The following R3HCC1L variants were observed in gnomAD, a reference collection of about 807,000 sequenced individuals.
R3HCC1L encodes coiled-coil domain-containing protein R3HCC1L.
In R3HCC1L, 51 loss-of-function variants were observed where a neutral mutation model predicts 59.9. The observed-to-expected ratio is 0.85, with a 90% CI of 0.68 to 1.07. The LOEUF (loss-of-function observed/expected upper bound fraction) is 1.07, where lower values mean the gene tolerates loss of function less well. R3HCC1L is among the 50% of genes least tolerant of loss of function. The pLI is 0.00. For missense variants in R3HCC1L, 965 were observed against 933.0 expected (o/e 1.03, Z -0.45); for synonymous variants, 322 against 315.2 (o/e 1.02, Z -0.23).
intron 6 of R3HCC1L, among the ~76,000 whole-genome samples, chr10:98,232,516 A>T (rs1856511826): frequency 6.6e-6 from 1 of 152,242 alleles, no homozygotes; most frequent in Non-Finnish European, 1.5e-5. Context: ...ATAAGAAAAA[A>T]ATAAGCTTCA....
chr10:98,170,380 A>G (rs541077624), intron 4 of R3HCC1L, among the ~76,000 whole-genome samples: 13 of 152,212 alleles, frequency 8.5e-5, no homozygotes, highest in African/African-American at 2.9e-4. Flanking sequence ...CAGTGTCACA[A>G]TCATAGTTCA....
At chr10:98,141,637 G>C (rs1028031264) in intron 1 of R3HCC1L, among the ~76,000 whole-genome samples, 3 of 152,206 alleles carry the variant, frequency 2.0e-5, no homozygotes, top group Non-Finnish European at 4.4e-5. Context: ...TGACTTTATG[G>C]CTGGTACTTA....
At chr10:98,235,298 A>G (rs1486485783) in intron 7 of R3HCC1L, 127 bp from the exon 8 acceptor site, 2 of 766,628 alleles carry the variant, frequency 2.6e-6, no homozygotes, top group East Asian at 2.9e-5. Context: ...GTTGATCTTT[A>G]GATCTGTCTC....
chr10:98,150,814 C>T (rs1274748036), intron 1 of R3HCC1L, among the ~76,000 whole-genome samples: 11 of 152,150 alleles, frequency 7.2e-5, no homozygotes, highest in Admixed American at 2.0e-4. Context: ...TCCCCCCTCC[C>T]CTCTTTGTCT....
intron 5 of R3HCC1L, among the ~76,000 whole-genome samples, chr10:98,227,580 T>TGG (rs1564728108): frequency 6.6e-6 from 1 of 150,468 alleles, no homozygotes; most frequent in Non-Finnish European, 1.5e-5. Flanking sequence ...GTGTGTGTTT[T>TGG]TTTTTTTTTT....
At chr10:98,179,792 G>T (rs984280700) in intron 4 of R3HCC1L, among the ~76,000 whole-genome samples, 1 of 152,116 alleles carries the variant, frequency 6.6e-6, no homozygotes, top group African/African-American at 2.4e-5. Context: ...TTTGTCTTGG[G>T]AGGGTGTATA....
intron 5 of R3HCC1L, among the ~76,000 whole-genome samples, chr10:98,216,961 A>G (rs1415335245): frequency 1.3e-5 from 2 of 152,144 alleles, no homozygotes; most frequent in Non-Finnish European, 2.9e-5. Context: ...ATAAATATAT[A>G]TTGACTGCCT....
intron 1 of R3HCC1L, among the ~76,000 whole-genome samples, chr10:98,151,892 G>A (rs1846193391): frequency 6.6e-6 from 1 of 152,158 alleles, no homozygotes; most frequent in Non-Finnish European, 1.5e-5. Context: ...TGTTGAGTAA[G>A]AAATTCCAGC....
intron 4 of R3HCC1L, among the ~76,000 whole-genome samples, chr10:98,196,569 A>AT (rs1490208204): frequency 6.6e-6 from 1 of 152,004 alleles, no homozygotes; most frequent in Non-Finnish European, 1.5e-5. Context: ...TAATTTTTGT[A>AT]TTTTTTGTAG....
At chr10:98,169,764 A>G (rs904548647) in intron 4 of R3HCC1L, among the ~76,000 whole-genome samples, 2 of 152,212 alleles carry the variant, frequency 1.3e-5, no homozygotes, top group African/African-American at 4.8e-5. Flanking sequence ...AGTGTACAAA[A>G]CTAGTTATTC....
chr10:98,187,730 CTTTTTT>C (rs755546581), intron 4 of R3HCC1L, among the ~76,000 whole-genome samples: 3 of 95,162 alleles, frequency 3.2e-5, no homozygotes, highest in South Asian at 3.6e-4. Flanking sequence ...TGTAACAATT[CTTTTTT>C]TTTTTTTTTT....
At chr10:98,152,871 C>T (rs1293641328) in intron 1 of R3HCC1L, among the ~76,000 whole-genome samples, 10 of 151,790 alleles carry the variant, frequency 6.6e-5, no homozygotes, top group Non-Finnish European at 1.0e-4. Context: ...CGTCTCCGCC[C>T]GGCAGCCACC....
At chr10:98,165,667 A>G (rs939121311) in intron 4 of R3HCC1L, among the ~76,000 whole-genome samples, 12 of 152,250 alleles carry the variant, frequency 7.9e-5, no homozygotes, top group African/African-American at 2.7e-4. Flanking sequence ...TCTTTCTTTC[A>G]GTATGAGAAT....
At chr10:98,206,042 ACAAGAAATCTTGTC>A (rs1852603606) in intron 4 of R3HCC1L, among the ~76,000 whole-genome samples, 1 of 152,162 alleles carries the variant, frequency 6.6e-6, no homozygotes, top group Non-Finnish European at 1.5e-5. Flanking sequence ...AGAAACATAA[ACAAGAAATCTTGTC>A]TCTTTTATAG....
intron 1 of R3HCC1L, among the ~76,000 whole-genome samples, chr10:98,146,312 C>T (rs1845651344): frequency 6.6e-6 from 1 of 152,104 alleles, no homozygotes. Flanking sequence ...ATATCCGTCA[C>T]CTTACACAGT....
At chr10:98,230,889 TATTA>T (rs763931527) in intron 5 of R3HCC1L, 63 of 168,264 alleles carry the variant, frequency 3.7e-4, no homozygotes, top group Middle Eastern at 1.7e-3. Context: ...TTACCTCTTT[TATTA>T]ATTCCTTCAC....
intron 5 of R3HCC1L, among the ~76,000 whole-genome samples, chr10:98,224,759 C>G (rs771028233): frequency 6.6e-6 from 1 of 152,206 alleles, no homozygotes; most frequent in Admixed American, 6.5e-5. Flanking sequence ...AAATTCTAAA[C>G]GTCTACCATC....
At chr10:98,205,900 T>A (rs1852582123) in intron 4 of R3HCC1L, among the ~76,000 whole-genome samples, 1 of 152,178 alleles carries the variant, frequency 6.6e-6, no homozygotes, top group South Asian at 2.1e-4. Context: ...TAAATTCTGC[T>A]AGAGACAGAG....
chr10:98,164,563 G>T (rs1254882275), intron 4 of R3HCC1L, among the ~76,000 whole-genome samples: 1 of 152,088 alleles, frequency 6.6e-6, no homozygotes, highest in Non-Finnish European at 1.5e-5. Context: ...GTCTTATTAG[G>T]AGTATTATTT....
Sources: allele counts gnomAD v4.1 joint callset (sites outside exome capture counted in the v4.1 genomes callset), GRCh38; gene constraint gnomAD v4.1.1; transcripts MANE v1.5; gene names NCBI Gene and HGNC (gene_info 2026-07-23, HGNC 2026-07-21).